The following TBC1D23 variants were observed in gnomAD, a reference collection of about 807,000 sequenced individuals.
TBC1D23 encodes TBC1 domain family member 23, also known as HCV non-structural protein 4A-transactivated protein 1.
Under a neutral mutation model 91.4 loss-of-function variants are expected in TBC1D23, and 55 were observed. The ratio of observed to expected loss-of-function variants is 0.60; its 90% CI spans 0.48 to 0.75. TBC1D23 has a LOEUF of 0.75. Ranked by LOEUF, TBC1D23 falls within the 30% of genes least tolerant of loss-of-function variation. The pLI is 0.00. For synonymous variants in TBC1D23, 289 were observed against 281.0 expected (o/e 1.03, Z -0.28); for missense variants, 725 against 836.1 (o/e 0.87, Z 1.64).
rs3081898 is a variant in TBC1D23 at position 100,313,010 on chromosome 3, AAAT to A, written c.1598+1153_1598+1155del. ...CTACAGAGTGAGACTGCGTCTCAAA[AAAT>A]AATAATAATAATAATAATATAATAA... On this transcript the variant is annotated intron_variant, in intron 15 of 18. Coordinates refer to ENST00000394144, the MANE Select transcript of TBC1D23 (RefSeq NM_001199198.3). 4.3e-4 allele frequency among the ~76,000 whole-genome samples: 64 copies of A among 149,404 alleles called. 1 individual carries two copies. In the South Asian group the frequency reaches 0.012, roughly 27 times the overall value.
At chr3:100,307,959 CA>C (rs1234903717) in intron 13 of TBC1D23, among the ~76,000 whole-genome samples, 2 of 152,070 alleles carry the variant, frequency 1.3e-5, no homozygotes, top group African/African-American at 2.4e-5. Context: ...AATGGCTCTC[CA>C]AAAAACATTC....
rs139120503 is a variant in TBC1D23, at chr3:100,323,155, T to C, written c.2019-432T>C. Among the ~76,000 whole-genome samples, 712 of 152,352 alleles carry C rather than the reference T, an allele frequency of 4.7e-3. 2 individuals are homozygous for C. The highest frequency in any genetic ancestry group is 6.4e-3 in the Non-Finnish European group (433 of 68,030). ...AATCTGTTTTAGTGAACTTAAATTA[T>C]TTGCTTAAAGTCAAACTATTAAGTG... On this transcript the variant is annotated intron_variant, in intron 18 of 18. Coordinates refer to ENST00000394144, the MANE Select transcript of TBC1D23 (RefSeq NM_001199198.3).
At chr3:100,289,481 A>G (rs375453537) in intron 4 of TBC1D23, among the ~76,000 whole-genome samples, 1 of 152,194 alleles carries the variant, frequency 6.6e-6, no homozygotes, top group African/African-American at 2.4e-5. Context: ...GGGACTGAGC[A>G]TGGAAAGAGG....
intron 5 of TBC1D23, among the ~76,000 whole-genome samples, chr3:100,293,741 C>T (rs1425029317): frequency 6.6e-6 from 1 of 152,116 alleles, no homozygotes; most frequent in Non-Finnish European, 1.5e-5. Context: ...AGGCTTTTTT[C>T]TGTTCCCAAC....
chr3:100,304,959 G>A, intron 12 of TBC1D23, 71 bp downstream of exon 12: 2 of 846,452 alleles, frequency 2.4e-6, no homozygotes, highest in Non-Finnish European at 4.0e-6. Flanking sequence ...CAATAGAGTT[G>A]ATCTGGAGTG....
intron 5 of TBC1D23, among the ~76,000 whole-genome samples, chr3:100,291,520 T>G (rs1226676685): frequency 6.6e-6 from 1 of 151,460 alleles, no homozygotes; most frequent in African/African-American, 2.4e-5. Context: ...GAGGCGGAGG[T>G]TGCAGTGAGC....
chr3:100,281,622 G>C (rs780042591), intron 2 of TBC1D23, 120 bp from the exon 3 acceptor site: 12 of 611,336 alleles, frequency 2.0e-5, no homozygotes, highest in Non-Finnish European at 3.2e-5. Context: ...GTGGAGTATG[G>C]ATACCTTAAT....
In TBC1D23 at chr3:100,297,916, C is replaced by T. The variant is rs1705333969; in HGVS notation, c.877-7C>T. On this transcript the variant is annotated splice_polypyrimidine_tract_variant and splice_region_variant and intron_variant, in intron 8 of 18. Transcript: ENST00000394144. The stretch of plus-strand genomic sequence containing the variant: ...TTCATAATGTTTAAAAATTTCCCTT[C>T]AAACAGGATAATCACCATCTCTTTG... The T allele has an allele frequency of 1.3e-6, 2 of 1,576,458 alleles. No individual in the cohort carries two copies. The highest frequency in any genetic ancestry group is 2.3e-5 in the East Asian group (1 of 43,770).
At chr3:100,299,914 C>G (rs1442749011) in intron 10 of TBC1D23, among the ~76,000 whole-genome samples, 1 of 152,168 alleles carries the variant, frequency 6.6e-6, no homozygotes, top group Non-Finnish European at 1.5e-5. Context: ...TTAGTTTGAG[C>G]TACCTAGTAT....
rs1006085169 is a variant in TBC1D23, at chr3:100,298,142, C to G, written c.999+97C>G. On this transcript the variant is annotated intron_variant, in intron 9 of 18. Coordinates refer to ENST00000394144, the MANE Select transcript of TBC1D23 (RefSeq NM_001199198.3). Reference sequence around the variant, plus strand: ...CATTGATTCCCACAAAATCAATTTACTGCAACAAGGTGGCTCTTTTGGCTT... The same window carrying G: ...CATTGATTCCCACAAAATCAATTTAGTGCAACAAGGTGGCTCTTTTGGCTT... 9 of 1,081,976 alleles carry G rather than the reference C, an allele frequency of 8.3e-6. No individual in the cohort carries two copies. In the African/African-American group the frequency reaches 1.4e-4, roughly 17 times the overall value. The allele number at this position is 1,081,976 out of a possible 1,614,324, so 67.0% of individuals were successfully genotyped here. A position where few individuals can be genotyped will look rare whatever the true frequency, so the allele number is the denominator to read the frequency against.
chr3:100,290,950 A>G (rs1398909690), intron 5 of TBC1D23, among the ~76,000 whole-genome samples: 7 of 152,222 alleles, frequency 4.6e-5, no homozygotes, highest in Non-Finnish European at 8.8e-5. Flanking sequence ...AACTATTTAC[A>G]ACTAATTACA....
chr3:100,308,041 A>G (rs560156484), intron 13 of TBC1D23, among the ~76,000 whole-genome samples: 34 of 152,366 alleles, frequency 2.2e-4, no homozygotes, highest in Middle Eastern at 6.8e-3. Context: ...TTTGAAAAAC[A>G]CTGATTGAGG....
At chr3:100,276,440 G>A (rs370394054) in intron 1 of TBC1D23, among the ~76,000 whole-genome samples, 298 of 151,980 alleles carry the variant, frequency 2.0e-3, no homozygotes, top group Non-Finnish European at 2.9e-3. Context: ...TTCTAATAAC[G>A]AATTTGTTAA....
intron 1 of TBC1D23, among the ~76,000 whole-genome samples, chr3:100,278,994 T>A (rs1485766203): frequency 1.3e-5 from 2 of 152,224 alleles, no homozygotes; most frequent in East Asian, 1.9e-4. Context: ...GTGTTTTGAA[T>A]TCTTGGCTGA....
Position 100,323,581 on chromosome 3 carries a change from C to T in TBC1D23, c.2019-6C>T. 1 of 1,449,336 alleles carries T rather than the reference C, an allele frequency of 6.9e-7. No individual in the cohort carries two copies. Among genetic ancestry groups the T allele is most frequent in the Non-Finnish European group, 9.2e-7 (1 of 1,091,874 alleles). 89.8% of individuals were successfully genotyped at this position (1,449,336 alleles called of 1,614,324 possible). ...TGTATATATATGTATTTTTTTTCCC[C>T]CTTAGGTATTTGATTCCAAATGCAG... is the stretch of plus-strand genomic sequence containing the variant. On this transcript the variant is annotated splice_region_variant and splice_polypyrimidine_tract_variant and intron_variant, in intron 18 of 18. Transcript: ENST00000394144.
At chr3:100,264,234 G>C (rs1385303983) in intron 1 of TBC1D23, among the ~76,000 whole-genome samples, 3 of 152,148 alleles carry the variant, frequency 2.0e-5, no homozygotes, top group African/African-American at 7.2e-5. Flanking sequence ...ATACTCCTGA[G>C]TAGCTGGGGA....
chr3:100,320,584 A>T (rs1442906134), intron 17 of TBC1D23, among the ~76,000 whole-genome samples, 193 bp from the exon 18 acceptor site: 1 of 152,186 alleles, frequency 6.6e-6, no homozygotes, highest in African/African-American at 2.4e-5. Context: ...TTAATAAAAT[A>T]TTAATTTTGC....
chr3:100,281,813 G>C lies in TBC1D23; in HGVS notation c.237G>C (p.Gln79His), dbSNP rs1433209212. 6.2e-7 allele frequency: 1 copy of C among 1,611,270 alleles called. No individual in the cohort carries two copies. Among genetic ancestry groups the C allele is most frequent in the Admixed American group, 1.7e-5 (1 of 59,748 alleles). The change falls in exon 3 of 19, where the codon CAG becomes CAC. Residue 79 changes from glutamine (Q) to histidine (H), a missense_variant. Gln to His is a conservative substitution (Grantham distance 24). Coordinates refer to ENST00000394144, the MANE Select transcript of TBC1D23 (RefSeq NM_001199198.3). Reference protein sequence around the residue: ...SWDGILDLPEQNTIHKDCLQF... With the variant: ...SWDGILDLPEHNTIHKDCLQF... ...ATGGTATTTTAGACTTGCCAGAACA[G>C]AACACTATTCACAAAGATTGCCTGC...
chr3:100,274,494 T>C (rs567686644), intron 1 of TBC1D23, among the ~76,000 whole-genome samples: 2 of 152,228 alleles, frequency 1.3e-5, no homozygotes, highest in South Asian at 2.1e-4. Context: ...TACATTTACA[T>C]TGTTGTGCAT....
Sources: allele counts gnomAD v4.1 joint callset (sites outside exome capture counted in the v4.1 genomes callset), GRCh38; gene constraint gnomAD v4.1.1; transcripts MANE v1.5; gene names NCBI Gene and HGNC (gene_info 2026-07-23, HGNC 2026-07-21).